Variants in CA10 observed in about 807,000 individuals in gnomAD.
CA10 encodes carbonic anhydrase 10 (inactive).
CA10 carries 14 observed loss-of-function variants against 44.2 expected under a neutral mutation model. The ratio of observed to expected loss-of-function variants is 0.32; its 90% CI spans 0.21 to 0.50. The LOEUF (loss-of-function observed/expected upper bound fraction) is 0.50, where lower values mean the gene tolerates loss of function less well. Ranked by LOEUF, CA10 falls within the 20% of genes least tolerant of loss-of-function variation. The pLI, the probability that CA10 is intolerant of heterozygous loss-of-function variation, is 0.99. For synonymous variants in CA10, 159 were observed against 141.6 expected, an observed-to-expected ratio of 1.12 and a Z score of -0.87; for missense variants, 350 against 409.7, an observed-to-expected ratio of 0.85 and a Z score of 1.26.
At chr17:51,758,568 G>A (rs1905136027) in intron 3 of CA10, among the ~76,000 whole-genome samples, 1 of 152,146 alleles carries the variant, frequency 6.6e-6, no homozygotes, top group Admixed American at 6.5e-5. Flanking sequence ...CCTATTTCAG[G>A]CTGCCCAGCC....
chr17:52,011,218 A>G (rs1476570680), intron 2 of CA10, among the ~76,000 whole-genome samples: 1 of 143,602 alleles, frequency 7.0e-6, no homozygotes, highest in Non-Finnish European at 1.5e-5. Context: ...ATGATCCTTT[A>G]TCATAATCAT....
chr17:51,803,365 G>T (rs886588610), intron 3 of CA10, among the ~76,000 whole-genome samples: 2 of 152,158 alleles, frequency 1.3e-5, no homozygotes, highest in African/African-American at 4.8e-5. Context: ...TCTGCCCACA[G>T]CATCTCCCGC....
At chr17:52,071,185 G>A (rs139752534) in intron 2 of CA10, among the ~76,000 whole-genome samples, 249 of 152,098 alleles carry the variant, frequency 1.6e-3, no homozygotes, top group African/African-American at 5.6e-3. Context: ...AATCAAGTTC[G>A]GTTTCTATGT....
chr17:51,964,278 C>T (rs1983998598), intron 2 of CA10, among the ~76,000 whole-genome samples: 1 of 152,048 alleles, frequency 6.6e-6, no homozygotes, highest in African/African-American at 2.4e-5. Flanking sequence ...ACTTCTAGAA[C>T]TGTAGAAAAA....
intron 1 of CA10, among the ~76,000 whole-genome samples, chr17:52,074,260 C>T (rs544366793): frequency 6.6e-6 from 1 of 152,198 alleles, no homozygotes; most frequent in East Asian, 1.9e-4. Context: ...AAAACCAAAC[C>T]CCAAACCTGA....
intron 3 of CA10, chr17:51,761,514 CT>C (rs1352069302): frequency 6.6e-6 from 1 of 151,890 alleles, no homozygotes; most frequent in Non-Finnish European, 1.5e-5. Context: ...AGTGGGAAAC[CT>C]TTTGTTCACA....
intron 2 of CA10, among the ~76,000 whole-genome samples, chr17:52,044,458 C>T (rs1409494965): frequency 6.6e-6 from 1 of 151,942 alleles, no homozygotes; most frequent in African/African-American, 2.4e-5. Context: ...TGCATGCCAC[C>T]ACACCTGACT....
At chr17:51,637,865 G>C (rs1912904076) in intron 6 of CA10, among the ~76,000 whole-genome samples, 1 of 152,230 alleles carries the variant, frequency 6.6e-6, no homozygotes, top group South Asian at 2.1e-4. Context: ...CTTTGTGCTA[G>C]GCACAGTGTT....
chr17:51,930,981 G>A lies in CA10; in HGVS notation c.279+9C>T. 6.2e-7 allele frequency: 1 copy of A among 1,612,834 alleles called. No individual in the cohort carries two copies. Among genetic ancestry groups the A allele is most frequent in the Non-Finnish European group, 8.5e-7 (1 of 1,179,360 alleles). Reference sequence around the variant, plus strand: ...TCAACTTTACCATGGAAGCAATATGGTGGCTTACCTTCCTGCCCCCCGTGT... The same window carrying A: ...TCAACTTTACCATGGAAGCAATATGATGGCTTACCTTCCTGCCCCCCGTGT... On this transcript the variant is annotated intron_variant, in intron 3 of 8. Coordinates refer to ENST00000451037, the MANE Select transcript of CA10 (RefSeq NM_020178.5).
At chr17:51,758,715 A>C (rs540790403) in intron 3 of CA10, among the ~76,000 whole-genome samples, 100 of 152,322 alleles carry the variant, frequency 6.6e-4, no homozygotes, top group African/African-American at 2.0e-3. Context: ...CAATGGTTTT[A>C]TTAGTTTAAT....
chr17:51,979,023 C>T (rs992233370), intron 2 of CA10, among the ~76,000 whole-genome samples: 3 of 152,126 alleles, frequency 2.0e-5, no homozygotes, highest in African/African-American at 7.2e-5. Flanking sequence ...TTCCTCCCTG[C>T]CTGCCACAAA....
At chr17:52,155,103 G>A (rs1423468051) in intron 1 of CA10, among the ~76,000 whole-genome samples, 1 of 152,170 alleles carries the variant, frequency 6.6e-6, no homozygotes, top group Non-Finnish European at 1.5e-5. Context: ...TCTGTAAAGT[G>A]TTTAGACTAC....
intron 3 of CA10, among the ~76,000 whole-genome samples, chr17:51,920,590 G>A (rs1316529496): frequency 6.6e-6 from 1 of 152,178 alleles, no homozygotes; most frequent in Non-Finnish European, 1.5e-5. Context: ...GTGTTTCCTT[G>A]GGAGATTTGC....
At chr17:51,728,120 G>C (rs1192708992) in intron 4 of CA10, among the ~76,000 whole-genome samples, 2 of 152,142 alleles carry the variant, frequency 1.3e-5, no homozygotes, top group East Asian at 3.9e-4. Flanking sequence ...TTGAACTCCT[G>C]GGCTCAAGTG....
intron 2 of CA10, among the ~76,000 whole-genome samples, chr17:51,938,803 T>A (rs203100): frequency 0.68 from 102,886 of 151,826 alleles, 35,208 homozygotes; most frequent in Non-Finnish European, 0.71. Flanking sequence ...TGACACATCT[T>A]ATCTTGCTCA....
At chr17:52,143,736 T>A (rs921390219) in intron 1 of CA10, among the ~76,000 whole-genome samples, 1 of 152,102 alleles carries the variant, frequency 6.6e-6, no homozygotes, top group African/African-American at 2.4e-5. Flanking sequence ...AGGGGTTTAG[T>A]GGATTAGTCA....
intron 4 of CA10, among the ~76,000 whole-genome samples, chr17:51,678,955 G>T (rs1320127950): frequency 6.6e-6 from 1 of 152,210 alleles, no homozygotes; most frequent in African/African-American, 2.4e-5. Flanking sequence ...TGAAGGGAAA[G>T]AAGGACAAGG....
chr17:52,081,799 C>CAAAAAA (rs10707842), intron 1 of CA10, among the ~76,000 whole-genome samples: 2 of 78,330 alleles, frequency 2.6e-5, no homozygotes, highest in African/African-American at 9.3e-5. Flanking sequence ...GACTCCGTCT[C>CAAAAAA]AAAAAAAAAA....
intron 1 of CA10, among the ~76,000 whole-genome samples, chr17:52,126,508 C>A (rs187037040): frequency 3.7e-4 from 57 of 152,214 alleles, no homozygotes; most frequent in African/African-American, 1.3e-3. Flanking sequence ...AAAAGTCATG[C>A]GTTTACTGCT....
Sources: gnomAD v4.1 joint callset for allele counts (sites outside exome capture counted in the v4.1 genomes callset) on GRCh38, gnomAD v4.1.1 for gene constraint, MANE v1.5 for transcripts, NCBI Gene and HGNC (gene_info 2026-07-23, HGNC 2026-07-21) for gene names.